The following NRG1 variants were observed in gnomAD, a reference collection of about 807,000 sequenced individuals.
The protein encoded by NRG1 is pro-neuregulin-1, membrane-bound isoform.
Under a neutral mutation model 63.8 loss-of-function variants are expected in NRG1, and 18 were observed. The ratio of observed to expected loss-of-function variants is 0.28; its 90% CI spans 0.19 to 0.42. The LOEUF is 0.42. Ranked by LOEUF, NRG1 falls within the 10% of genes least tolerant of loss-of-function variation. The probability of loss-of-function intolerance (pLI) is 1.00; values close to 1 mark genes in which losing one functional copy is unlikely to be tolerated. For synonymous variants in NRG1, 302 were observed against 301.3 expected (o/e 1.00, Z -0.02); for missense variants, 762 against 814.7 (o/e 0.94, Z 0.79).
At chr8:32,483,974 G>A (rs943362447) in intron 1 of NRG1, among the ~76,000 whole-genome samples, 7 of 152,022 alleles carry the variant, frequency 4.6e-5, no homozygotes, top group African/African-American at 1.7e-4. Flanking sequence ...GTGGTGTCAG[G>A]CGCCTGCAGT....
At chr8:32,462,907 A>G (rs556619776) in intron 1 of NRG1, among the ~76,000 whole-genome samples, 1 of 152,028 alleles carries the variant, frequency 6.6e-6, no homozygotes, top group African/African-American at 2.4e-5. Flanking sequence ...CCTGGCCTAG[A>G]CATACAGATT....
intron 1 of NRG1, among the ~76,000 whole-genome samples, chr8:32,389,563 T>C (rs1811446244): frequency 6.6e-6 from 1 of 152,158 alleles, no homozygotes; most frequent in South Asian, 2.1e-4. Flanking sequence ...CTTGAATCAG[T>C]ATGTCTCTGC....
At chr8:32,006,500 A>G (rs1398947702) in intron 1 of NRG1, among the ~76,000 whole-genome samples, 2 of 152,046 alleles carry the variant, frequency 1.3e-5, no homozygotes, top group African/African-American at 2.4e-5. Flanking sequence ...ACCTAATCTA[A>G]TCACAGAAGC....
chr8:32,359,733 G>T (rs1038337308), intron 1 of NRG1, among the ~76,000 whole-genome samples: 8 of 152,176 alleles, frequency 5.3e-5, no homozygotes, highest in African/African-American at 1.9e-4. Context: ...AGAGAAAGTT[G>T]AGTGAAAGAT....
At position 32,410,804 on chromosome 8, in the gene NRG1, T is replaced by C. The variant is rs548488961; in HGVS notation, c.38-185024T>C. 4.6e-5 allele frequency among the ~76,000 whole-genome samples: 7 copies of C among 152,174 alleles called. No homozygotes were observed. The East Asian group carries it at 1.2e-3, about 25-fold the overall frequency. On this transcript the variant is annotated intron_variant, in intron 1 of 10. Coordinates refer to the NRG1 transcript ENST00000519301. ...CACTTATTCTCTGGTTATGAACCTG[T>C]TTAAGGAAATCTATATATTTGCACA... is the stretch of plus-strand genomic sequence containing the variant.
intron 1 of NRG1, among the ~76,000 whole-genome samples, chr8:31,785,565 G>T (rs1313550360): frequency 1.3e-5 from 2 of 152,150 alleles, no homozygotes; most frequent in Non-Finnish European, 2.9e-5. Context: ...ATTTGAAAGA[G>T]ATCAGTAACA....
At chr8:32,733,175 A>G (rs1157231719) in intron 6 of NRG1, among the ~76,000 whole-genome samples, 1 of 152,120 alleles carries the variant, frequency 6.6e-6, no homozygotes, top group Non-Finnish European at 1.5e-5. Flanking sequence ...GGGACCACCA[A>G]CTATCTTTAT....
At chr8:32,695,073 A>G (rs1163502736) in intron 5 of NRG1, among the ~76,000 whole-genome samples, 1 of 152,150 alleles carries the variant, frequency 6.6e-6, no homozygotes, top group Non-Finnish European at 1.5e-5. Flanking sequence ...ATTACTAAAC[A>G]GGCTGGGCAT....
chr8:32,037,561 G>T (rs1000891409), intron 1 of NRG1, among the ~76,000 whole-genome samples: 1 of 152,160 alleles, frequency 6.6e-6, no homozygotes, highest in Non-Finnish European at 1.5e-5. Context: ...TACCGCAGCC[G>T]CCCCTCCTCC....
At chr8:32,327,041 G>A (rs561055821) in intron 1 of NRG1, among the ~76,000 whole-genome samples, 9 of 152,174 alleles carry the variant, frequency 5.9e-5, no homozygotes, top group South Asian at 2.1e-4. Flanking sequence ...ATAATGAATC[G>A]GATAGAAGTC....
rs150498959 is a variant in NRG1, at chr8:32,693,974, C to T, written c.503-33975C>T. 3.0e-3 allele frequency among the ~76,000 whole-genome samples: 450 copies of T among 152,256 alleles called. 2 individuals are homozygous for T. Among genetic ancestry groups the T allele is most frequent in the Middle Eastern group, 0.01 (3 of 294 alleles). On this transcript the variant is annotated intron_variant, in intron 5 of 11. Transcript: ENST00000356819. ...GAAAGAGTGCACATAATGATGCATA[C>T]CTCATGCTTGTCTGCCTTCCCCTGG... is the stretch of plus-strand genomic sequence containing the variant.
intron 1 of NRG1, among the ~76,000 whole-genome samples, chr8:32,366,935 C>G (rs1456653367): frequency 6.6e-6 from 1 of 151,912 alleles, no homozygotes; most frequent in East Asian, 1.9e-4. Flanking sequence ...TGGTCTTGAA[C>G]TCCTGACCTC....
chr8:32,528,513 T>C (rs1022246262), intron 1 of NRG1, among the ~76,000 whole-genome samples: 1 of 152,242 alleles, frequency 6.6e-6, no homozygotes, highest in African/African-American at 2.4e-5. Context: ...AACAGAAGTT[T>C]ATTTTTAAGC....
At chr8:31,773,792 C>T (rs888566956) in intron 1 of NRG1, among the ~76,000 whole-genome samples, 2 of 152,052 alleles carry the variant, frequency 1.3e-5, no homozygotes, top group East Asian at 3.9e-4. Flanking sequence ...GTTTAATGAT[C>T]CCCCCAGCTG....
chr8:31,817,146 G>T (rs977839825), intron 1 of NRG1, among the ~76,000 whole-genome samples: 18 of 152,194 alleles, frequency 1.2e-4, no homozygotes, highest in Non-Finnish European at 2.5e-4. Context: ...AAAGAACTTG[G>T]CAAATGTTGT....
intron 1 of NRG1, among the ~76,000 whole-genome samples, chr8:32,285,163 C>G (rs1197603710): frequency 6.6e-6 from 1 of 152,162 alleles, no homozygotes. Flanking sequence ...AAACATAAAA[C>G]CTTGAAGCAT....
At chr8:32,697,361 T>A (rs916661155) in intron 5 of NRG1, among the ~76,000 whole-genome samples, 6 of 152,224 alleles carry the variant, frequency 3.9e-5, no homozygotes, top group African/African-American at 1.4e-4. Context: ...AGTTATTAAA[T>A]TTTTCCTACT....
chr8:32,040,711 CATATAT>C (rs67857068), intron 1 of NRG1, among the ~76,000 whole-genome samples: 3,445 of 85,220 alleles, frequency 0.04, 164 homozygotes, highest in African/African-American at 0.092. Flanking sequence ...GAAATTTAGG[CATATAT>C]ATATATATAT....
chr8:32,380,813 C>G (rs1201415503), intron 1 of NRG1, among the ~76,000 whole-genome samples: 1 of 152,114 alleles, frequency 6.6e-6, no homozygotes, highest in African/African-American at 2.4e-5. Context: ...TTTTGGGGTA[C>G]ATGTGATAAT....
Sources: gnomAD v4.1 joint callset for allele counts (sites outside exome capture counted in the v4.1 genomes callset) on GRCh38, gnomAD v4.1.1 for gene constraint, MANE v1.5 for transcripts, NCBI Gene and HGNC (gene_info 2026-07-23, HGNC 2026-07-21) for gene names.